GPBP1: variants seen among roughly 807,000 people sequenced by gnomAD.
GPBP1 encodes GC-rich promoter binding protein 1, also known as vasculin.
GPBP1 carries 13 observed loss-of-function variants against 56.5 expected under a neutral mutation model. The ratio of observed to expected loss-of-function variants is 0.23; its 90% CI spans 0.15 to 0.37. The LOEUF (loss-of-function observed/expected upper bound fraction) is 0.37, where lower values mean the gene tolerates loss of function less well. Among genes scored for constraint, GPBP1 ranks in the 10% least tolerant of loss-of-function variants. The pLI, the probability that GPBP1 is intolerant of heterozygous loss-of-function variation, is 1.00. For missense variants in GPBP1, 477 were observed against 572.3 expected (o/e 0.83, Z 1.70); for synonymous variants, 204 against 188.9 (o/e 1.08, Z -0.66).
At chr5:57,242,955 T>G (rs1371785902) in intron 6 of GPBP1, among the ~76,000 whole-genome samples, 1 of 151,988 alleles carries the variant, frequency 6.6e-6, no homozygotes, top group African/African-American at 2.4e-5. Context: ...TTCACCATGT[T>G]GGCCAGGCTG....
chr5:57,187,223 C>T (rs529736841), intron 2 of GPBP1, among the ~76,000 whole-genome samples: 29 of 152,124 alleles, frequency 1.9e-4, no homozygotes, highest in African/African-American at 7.0e-4. Flanking sequence ...TGCAAAATAA[C>T]GTCATCTTGA....
intron 2 of GPBP1, among the ~76,000 whole-genome samples, chr5:57,204,823 G>A (rs1387842077): frequency 6.6e-6 from 1 of 152,016 alleles, no homozygotes; most frequent in Non-Finnish European, 1.5e-5. Flanking sequence ...AATTTTTTGG[G>A]GGAATGAGGT....
At chr5:57,224,964 A>C (rs1756115724) in intron 3 of GPBP1, among the ~76,000 whole-genome samples, 1 of 151,838 alleles carries the variant, frequency 6.6e-6, no homozygotes, top group African/African-American at 2.4e-5. Flanking sequence ...TAGGGGACAC[A>C]GTGGATCACT....
At chr5:57,188,114 C>T (rs1243509757) in intron 2 of GPBP1, among the ~76,000 whole-genome samples, 1 of 151,680 alleles carries the variant, frequency 6.6e-6, no homozygotes, top group Non-Finnish European at 1.5e-5. Context: ...CATGATTGTG[C>T]ACGCCTGTAG....
chr5:57,202,867 A>C (rs140690863), intron 2 of GPBP1, among the ~76,000 whole-genome samples: 1 of 152,192 alleles, frequency 6.6e-6, no homozygotes, highest in Non-Finnish European at 1.5e-5. Flanking sequence ...TTTTATCCCA[A>C]TGAGTTCATA....
intron 9 of GPBP1, among the ~76,000 whole-genome samples, chr5:57,250,664 T>C (rs1276025348): frequency 6.7e-6 from 1 of 150,336 alleles, no homozygotes; most frequent in African/African-American, 2.4e-5. Context: ...TGCCACAGCC[T>C]CCCAAGCAGC....
intron 5 of GPBP1, among the ~76,000 whole-genome samples, chr5:57,233,170 T>C (rs937203197): frequency 2.6e-5 from 4 of 152,144 alleles, no homozygotes; most frequent in African/African-American, 4.8e-5. Flanking sequence ...GTAGTTGAGA[T>C]AAATGAAAAT....
At chr5:57,199,350 T>C (rs776175177) in intron 2 of GPBP1, among the ~76,000 whole-genome samples, 1 of 152,118 alleles carries the variant, frequency 6.6e-6, no homozygotes, top group Non-Finnish European at 1.5e-5. Context: ...CATTGGGATA[T>C]ATGAACATTA....
chr5:57,229,910 C>T (rs952765321), intron 3 of GPBP1, among the ~76,000 whole-genome samples: 7 of 145,106 alleles, frequency 4.8e-5, no homozygotes, highest in Admixed American at 2.1e-4. Context: ...TTAAAATTTT[C>T]CCTTCCCTTC....
Position 57,262,734 on chromosome 5 carries a change from A to G in GPBP1, c.1404A>G (p.Ser468=). The change falls in exon 12 of 12, where the codon TCA becomes TCG. Residue 468 remains serine (S), a synonymous_variant. Coordinates refer to ENST00000506184, the MANE Select transcript of GPBP1 (RefSeq NM_022913.4). ...CAGAGACAAGTAGCAGTGATACATCAGATGACGACGATGTGTGAAGGATTT... is the reference window on the plus strand; with the variant it reads ...CAGAGACAAGTAGCAGTGATACATCGGATGACGACGATGTGTGAAGGATTT... ...DDTETSSSDT[S]DDDDV is the part of the protein sequence containing the mutation. The G allele has an allele frequency of 6.2e-7, 1 of 1,613,388 alleles. No individual in the cohort carries two copies. Among genetic ancestry groups the G allele is most frequent in the Non-Finnish European group, 8.5e-7 (1 of 1,179,564 alleles).
chr5:57,198,273 GTTA>G (rs1386115897), intron 2 of GPBP1, among the ~76,000 whole-genome samples: 2 of 152,124 alleles, frequency 1.3e-5, no homozygotes, highest in Admixed American at 6.6e-5. Flanking sequence ...AGTTTCATCA[GTTA>G]TTATGCTTTC....
chr5:57,241,393 A>T (rs563793893), intron 6 of GPBP1, among the ~76,000 whole-genome samples: 4 of 152,344 alleles, frequency 2.6e-5, no homozygotes, highest in African/African-American at 9.6e-5. Context: ...TGGGAAGAGC[A>T]TGAATAACAA....
intron 6 of GPBP1, among the ~76,000 whole-genome samples, chr5:57,239,572 G>A (rs1041873761): frequency 2.0e-5 from 3 of 152,050 alleles, no homozygotes; most frequent in African/African-American, 7.2e-5. Context: ...TCAGAGGTCA[G>A]GAGTTCAAGA....
Position 57,238,641 on chromosome 5 carries a change from AGTGACCAT to A in GPBP1, c.478+2612_478+2619del, listed in dbSNP as rs527584361. On this transcript the variant is annotated intron_variant, in intron 6 of 11. Coordinates refer to ENST00000506184, the MANE Select transcript of GPBP1 (RefSeq NM_022913.4). ...TCCTATGGAGTACTGTTTTTGTGCC[AGTGACCAT>A]GTCAGCAACATACTATTGGCAGAAC... Among the ~76,000 whole-genome samples, 3 of 152,338 alleles carry A rather than the reference AGTGACCAT, an allele frequency of 2.0e-5. No homozygotes were observed. The South Asian group carries it at 6.2e-4, about 32-fold the overall frequency.
At chr5:57,243,375 T>A (rs1740924032) in intron 6 of GPBP1, among the ~76,000 whole-genome samples, 1 of 152,114 alleles carries the variant, frequency 6.6e-6, no homozygotes, top group South Asian at 2.1e-4. Context: ...TAATACGAAT[T>A]CTTAATAAGC....
chr5:57,221,628 TTACTA>T (rs1218216906), intron 3 of GPBP1, among the ~76,000 whole-genome samples: 1 of 152,220 alleles, frequency 6.6e-6, no homozygotes, highest in Non-Finnish European at 1.5e-5. Context: ...TGGTGGAACT[TTACTA>T]TGATGAATAC....
At chr5:57,219,375 CAAAAA>C (rs869152603) in intron 3 of GPBP1, among the ~76,000 whole-genome samples, 11 of 35,302 alleles carry the variant, frequency 3.1e-4, no homozygotes, top group African/African-American at 1.2e-3. Flanking sequence ...GACTCTGTCT[CAAAAA>C]AAAAAAAAAA....
Position 57,230,884 on chromosome 5 carries a change from A to T in GPBP1, c.102A>T (p.Ala34=). Residue 34 remains alanine (A), a synonymous_variant, in exon 4 of 12, where the codon GCA becomes GCT. Transcript: ENST00000506184. ...LNFEKHSENF[A]WTENRYDVNR... Reference sequence around the variant, plus strand: ...TTGAGAAGCATTCTGAAAACTTTGCATGGACAGAGAATCGTTATGATGTGA... The same window carrying T: ...TTGAGAAGCATTCTGAAAACTTTGCTTGGACAGAGAATCGTTATGATGTGA... 6.2e-7 allele frequency: 1 copy of T among 1,611,030 alleles called. No individual in the cohort carries two copies. The highest frequency in any genetic ancestry group is 1.1e-5 in the South Asian group (1 of 89,892).
chr5:57,187,321 A>G (rs117320507), intron 2 of GPBP1, among the ~76,000 whole-genome samples: 18 of 152,324 alleles, frequency 1.2e-4, no homozygotes, highest in East Asian at 1.9e-4. Context: ...CAACATTTCT[A>G]TACTGGAAAT....
Sources: allele counts gnomAD v4.1 joint callset (sites outside exome capture counted in the v4.1 genomes callset), GRCh38; gene constraint gnomAD v4.1.1; transcripts MANE v1.5; gene names NCBI Gene and HGNC (gene_info 2026-07-23, HGNC 2026-07-21).